KHDRBS2: variants seen among roughly 807,000 people sequenced by gnomAD.
KHDRBS2 encodes the protein KH domain-containing, RNA-binding, signal transduction-associated protein 2.
A neutral mutation model predicts 44.3 loss-of-function variants in KHDRBS2; 26 were observed. The ratio of observed to expected loss-of-function variants is 0.59; its 90% confidence interval spans 0.43 to 0.81. The LOEUF is 0.81. Ranked by LOEUF, KHDRBS2 falls within the 40% of genes least tolerant of loss-of-function variation. The pLI is 0.00. For synonymous variants in KHDRBS2, 194 were observed against 151.1 expected, an observed-to-expected ratio of 1.28 and a Z score of -2.08; for missense variants, 476 against 433.1, an observed-to-expected ratio of 1.10 and a Z score of -0.88.
intron 4 of KHDRBS2, among the ~76,000 whole-genome samples, chr6:61,919,006 C>G (rs1342019091): frequency 2.0e-5 from 3 of 151,830 alleles, no homozygotes. Flanking sequence ...TTTTAAATTT[C>G]TAAATAGAGT....
intron 1 of KHDRBS2, among the ~76,000 whole-genome samples, chr6:62,232,313 TA>T (rs2150160003): frequency 6.6e-6 from 1 of 152,290 alleles, no homozygotes; most frequent in South Asian, 2.1e-4. Context: ...AATAGTCACT[TA>T]ATAAATAATT....
At chr6:61,989,307 C>G (rs531952439) in intron 3 of KHDRBS2, among the ~76,000 whole-genome samples, 13 of 152,162 alleles carry the variant, frequency 8.5e-5, no homozygotes, top group Non-Finnish European at 1.6e-4. Flanking sequence ...CAGTTTCTGT[C>G]AAAGGATAGG....
the KHDRBS2 span, among the ~76,000 whole-genome samples, chr6:61,595,334 GATGAACGAAGATTTAATGTTA>G: frequency 6.6e-6 from 1 of 152,082 alleles, no homozygotes. Context: ...TCCATTAAGA[GATGAACGAAGATTTAATGTTA>G]ATGAATATTT....
chr6:61,769,170 C>T (rs966542023), intron 6 of KHDRBS2, among the ~76,000 whole-genome samples: 1 of 151,896 alleles, frequency 6.6e-6, no homozygotes, highest in African/African-American at 2.4e-5. Flanking sequence ...TAAAAAATTC[C>T]ACTGGGAGGG....
chr6:62,165,190 TC>T (rs1818416770), intron 2 of KHDRBS2, among the ~76,000 whole-genome samples: 1 of 151,526 alleles, frequency 6.6e-6, no homozygotes, highest in Non-Finnish European at 1.5e-5. Flanking sequence ...GGAAACACTT[TC>T]CCCCGATTAA....
At chr6:61,567,357 G>T in the KHDRBS2 span, among the ~76,000 whole-genome samples, 2 of 152,200 alleles carry the variant, frequency 1.3e-5, no homozygotes, top group African/African-American at 4.8e-5. Flanking sequence ...GGCTGTCTTG[G>T]TCACAAAGAT....
At chr6:62,031,592 T>C (rs962191330) in intron 3 of KHDRBS2, among the ~76,000 whole-genome samples, 1 of 152,078 alleles carries the variant, frequency 6.6e-6, no homozygotes, top group African/African-American at 2.4e-5. Flanking sequence ...AATATATCAA[T>C]GGTAGTCTGA....
At chr6:62,175,943 T>C (rs1464054138) in intron 2 of KHDRBS2, among the ~76,000 whole-genome samples, 1 of 151,396 alleles carries the variant, frequency 6.6e-6, no homozygotes, top group African/African-American at 2.4e-5. Context: ...AGTCTGTCAT[T>C]GACTTTCCCA....
chr6:61,960,840 G>A (rs1167150386), intron 4 of KHDRBS2, among the ~76,000 whole-genome samples: 1 of 152,042 alleles, frequency 6.6e-6, no homozygotes, highest in Non-Finnish European at 1.5e-5. Context: ...TTCCAATGAG[G>A]TATCTCGTTC....
At chr6:62,204,536 T>G (rs751315742) in intron 1 of KHDRBS2, among the ~76,000 whole-genome samples, 12 of 152,142 alleles carry the variant, frequency 7.9e-5, no homozygotes, top group Non-Finnish European at 7.4e-5. Context: ...CAGTGAGCGT[T>G]CTCTTTAAGC....
At chr6:62,076,141 A>G (rs1796292793) in intron 2 of KHDRBS2, among the ~76,000 whole-genome samples, 1 of 151,944 alleles carries the variant, frequency 6.6e-6, no homozygotes, top group South Asian at 2.1e-4. Flanking sequence ...CAGCCCTAGC[A>G]TAGCGCAAAC....
At chr6:61,819,022 A>C (rs1789451475) in intron 6 of KHDRBS2, among the ~76,000 whole-genome samples, 1 of 151,980 alleles carries the variant, frequency 6.6e-6, no homozygotes. Context: ...TGAATAATTG[A>C]ATTAACTACT....
At chr6:61,770,469 A>G (rs565509781) in intron 6 of KHDRBS2, among the ~76,000 whole-genome samples, 43 of 152,314 alleles carry the variant, frequency 2.8e-4, no homozygotes, top group African/African-American at 9.6e-4. Context: ...AAGTAGAATA[A>G]CCAATGCAGA....
At chr6:62,205,623 C>T (rs781526394) in intron 1 of KHDRBS2, among the ~76,000 whole-genome samples, 5 of 152,004 alleles carry the variant, frequency 3.3e-5, no homozygotes, top group Admixed American at 6.6e-5. Context: ...AAGACAGAAT[C>T]TGTGCATTAG....
At chr6:62,032,994 A>G (rs943654596) in intron 3 of KHDRBS2, among the ~76,000 whole-genome samples, 12 of 151,972 alleles carry the variant, frequency 7.9e-5, no homozygotes, top group African/African-American at 2.9e-4. Context: ...TCAGAATTCT[A>G]TTAGACTAAT....
At chr6:61,871,614 A>T (rs1382053977) in intron 6 of KHDRBS2, among the ~76,000 whole-genome samples, 1 of 152,164 alleles carries the variant, frequency 6.6e-6, no homozygotes, top group Admixed American at 6.6e-5. Flanking sequence ...AGAAAGTTTG[A>T]GCTACCCTCA....
intron 6 of KHDRBS2, among the ~76,000 whole-genome samples, chr6:61,861,046 C>T (rs1397000337): frequency 6.6e-6 from 1 of 151,956 alleles, no homozygotes; most frequent in East Asian, 1.9e-4. Context: ...GGTCCTTTGC[C>T]TACTTTTTAA....
chr6:62,066,033 T>C (rs1175961562), intron 2 of KHDRBS2, among the ~76,000 whole-genome samples: 1 of 151,700 alleles, frequency 6.6e-6, no homozygotes, highest in Non-Finnish European at 1.5e-5. Context: ...TGGAGAGTCC[T>C]TAAATGTATT....
chr6:61,814,219 C>T (rs186538578), intron 6 of KHDRBS2, among the ~76,000 whole-genome samples: 14 of 152,262 alleles, frequency 9.2e-5, no homozygotes, highest in Non-Finnish European at 1.8e-4. Flanking sequence ...GAACTTTGAG[C>T]TGCTGCTCTC....
Sources: gnomAD v4.1 joint callset for allele counts (sites outside exome capture counted in the v4.1 genomes callset) on GRCh38, gnomAD v4.1.1 for gene constraint, MANE v1.5 for transcripts, NCBI Gene and HGNC (gene_info 2026-07-23, HGNC 2026-07-21) for gene names.